The following TNRC6C variants were observed in gnomAD, a reference collection of about 807,000 sequenced individuals.
The protein encoded by TNRC6C is trinucleotide repeat-containing gene 6C protein.
Under a neutral mutation model 153.7 loss-of-function variants are expected in TNRC6C, and 20 were observed. The ratio of observed to expected loss-of-function variants is 0.13; its 90% CI spans 0.09 to 0.19. The LOEUF (loss-of-function observed/expected upper bound fraction) is 0.19, where lower values mean the gene tolerates loss of function less well. Among genes scored for constraint, TNRC6C ranks in the 10% least tolerant of loss-of-function variants. The pLI is 1.00. For synonymous variants in TNRC6C, 811 were observed against 841.4 expected, an observed-to-expected ratio of 0.96 and a Z score of 0.63; for missense variants, 1,987 against 2,172.0, an observed-to-expected ratio of 0.91 and a Z score of 1.69.
At chr17:78,038,294 G>A (rs1567928502) in intron 2 of TNRC6C, among the ~76,000 whole-genome samples, 2 of 152,100 alleles carry the variant, frequency 1.3e-5, no homozygotes, top group South Asian at 2.1e-4. Flanking sequence ...CAAATCAAAA[G>A]AAAAACAGTC....
intron 13 of TNRC6C, among the ~76,000 whole-genome samples, chr17:78,090,739 A>G (rs1037219302): frequency 6.6e-6 from 1 of 152,208 alleles, no homozygotes; most frequent in African/African-American, 2.4e-5. Context: ...TCAGCTCACC[A>G]TCCCAGCTGG....
intron 14 of TNRC6C, 88 bp downstream of exon 16, chr17:78,091,695 T>C: frequency 7.9e-7 from 1 of 1,260,186 alleles, no homozygotes; most frequent in Non-Finnish European, 1.0e-6. Flanking sequence ...TTCTATACTT[T>C]TCTAAGAATT....
intron 15 of TNRC6C, 191 bp from the exon 18 acceptor site, chr17:78,093,429 A>T: frequency 1.3e-6 from 1 of 743,338 alleles, no homozygotes; most frequent in South Asian, 1.9e-5. Flanking sequence ...TTAATATGAT[A>T]GCTGTGATAC....
chr17:78,103,789 T>C (rs997902961), intron 19 of TNRC6C, among the ~76,000 whole-genome samples: 2 of 152,188 alleles, frequency 1.3e-5, no homozygotes, highest in Admixed American at 6.5e-5. Flanking sequence ...TCTGTTCTTA[T>C]ATGGTCGTCT....
intron 1 of TNRC6C, among the ~76,000 whole-genome samples, chr17:78,030,684 T>G (rs962460642): frequency 1.1e-4 from 16 of 152,192 alleles, no homozygotes; most frequent in African/African-American, 3.6e-4. Context: ...AAAACAAAAA[T>G]ACATATAAAT....
chr17:78,059,637 C>T (rs1019239335), intron 3 of TNRC6C, among the ~76,000 whole-genome samples: 1 of 152,098 alleles, frequency 6.6e-6, no homozygotes, highest in African/African-American at 2.4e-5. Context: ...TGCTTGAACC[C>T]TGGAGTTTGA....
chr17:78,050,917 T>C, exon 3 of TNRC6C: 2 of 1,613,592 alleles, frequency 1.2e-6, no homozygotes, highest in Non-Finnish European at 1.7e-6. Context: ...TGGATCTGGA[T>C]GGGATGCTGA....
chr17:78,086,939 A>G (rs776568695), exon 13 of TNRC6C: 1 of 1,611,434 alleles, frequency 6.2e-7, no homozygotes, highest in Non-Finnish European at 8.5e-7. Flanking sequence ...AGCAGCCACC[A>G]CCGCCACCGC....
chr17:78,061,963 A>G (rs1314624705), intron 3 of TNRC6C, among the ~76,000 whole-genome samples: 1 of 152,218 alleles, frequency 6.6e-6, no homozygotes, highest in African/African-American at 2.4e-5. Context: ...ATGGAGGTCT[A>G]GAGATGATAA....
At chr17:78,005,015 A>G (rs2071471711), upstream of TNRC6C, 1 of 1,196,982 alleles carries the variant, frequency 8.4e-7, no homozygotes, top group Admixed American at 4.2e-5. Flanking sequence ...CATTATTCCT[A>G]AAGAGTTTCT....
At chr17:78,013,488 G>T (rs563107519) in intron 1 of TNRC6C, among the ~76,000 whole-genome samples, 1 of 152,318 alleles carries the variant, frequency 6.6e-6, no homozygotes, top group East Asian at 1.9e-4. Flanking sequence ...TGATCCAGCA[G>T]ATATTTATTG....
In TNRC6C at chr17:78,010,999, G is replaced by A. The variant is rs951305862; in HGVS notation, c.-546+5920G>A. On this transcript the variant is annotated intron_variant, in intron 1 of 19. Transcript: ENST00000301624. ...GGCGCCTCCCGAGGGCACTTCTCCT[G>A]AGTCTCAGATAAAGTGAAAGTTCAC... 1.2e-4 allele frequency among the ~76,000 whole-genome samples: 19 copies of A among 152,208 alleles called. 1 individual carries two copies. The highest frequency in any genetic ancestry group is 2.5e-4 in the Non-Finnish European group (17 of 68,040).
At chr17:78,038,078 A>C (rs1412372579) in intron 2 of TNRC6C, among the ~76,000 whole-genome samples, 1 of 152,234 alleles carries the variant, frequency 6.6e-6, no homozygotes, top group African/African-American at 2.4e-5. Context: ...CAAGACAAAT[A>C]TAAGAACTAC....
chr17:78,013,737 C>G (rs972917916), intron 1 of TNRC6C, among the ~76,000 whole-genome samples: 36 of 152,146 alleles, frequency 2.4e-4, no homozygotes, highest in African/African-American at 8.4e-4. Context: ...GAGCAGGACC[C>G]AACTAGGCCA....
chr17:78,101,810 G>A (rs1056358630), intron 17 of TNRC6C, among the ~76,000 whole-genome samples: 5 of 152,206 alleles, frequency 3.3e-5, no homozygotes, highest in African/African-American at 1.2e-4. Flanking sequence ...GCAGTCTTCC[G>A]CCCTGGGTGG....
intron 2 of TNRC6C, among the ~76,000 whole-genome samples, chr17:78,043,713 A>G (rs2072347034): frequency 6.6e-6 from 1 of 151,882 alleles, no homozygotes; most frequent in Admixed American, 6.6e-5. Context: ...ACCCTTCTCC[A>G]CTTCTCCCCA....
In TNRC6C at chr17:78,086,524, C is replaced by T; in HGVS notation, c.3499C>T (p.Gln1167Ter). ...ACAGGCATACCAACGTTTACAAATC[C>T]AGCAGCAGATGTTACAGGCCCAGCG... The change falls in exon 12 of 20, where the codon CAG (glutamine) becomes TAG (stop). Residue 1167 changes from glutamine to a stop codon, truncating the protein, a stop_gained. Transcript: ENST00000301624. LOFTEE classifies it high-confidence loss of function. 1 of 1,613,818 alleles carries T rather than the reference C, an allele frequency of 6.2e-7. No individual in the cohort carries two copies. Among genetic ancestry groups the T allele is most frequent in the Non-Finnish European group, 8.5e-7 (1 of 1,179,862 alleles).
intron 1 of TNRC6C, among the ~76,000 whole-genome samples, chr17:77,967,467 C>T (rs1181271703): frequency 6.6e-6 from 1 of 152,062 alleles, no homozygotes; most frequent in Admixed American, 6.5e-5. Context: ...GAATAACGAT[C>T]AACTGTGTTT....
exon 3 of TNRC6C, chr17:78,051,022 A>C: frequency 1.9e-6 from 3 of 1,613,748 alleles, no homozygotes; most frequent in Non-Finnish European, 2.5e-6. Flanking sequence ...TCCAGGTACA[A>C]ACTGGGGGGA....
Sources: gnomAD v4.1 joint callset for allele counts (sites outside exome capture counted in the v4.1 genomes callset) on GRCh38, gnomAD v4.1.1 for gene constraint, MANE v1.5 for transcripts, NCBI Gene and HGNC (gene_info 2026-07-23, HGNC 2026-07-21) for gene names.